Variants in ARFGEF1 observed in about 807,000 individuals in gnomAD.
ARFGEF1 encodes the protein brefeldin A-inhibited guanine nucleotide-exchange protein 1.
In ARFGEF1, 42 loss-of-function variants were observed where a neutral mutation model predicts 231.0. That is an observed-to-expected ratio of 0.18 (90% CI 0.14 to 0.24). The LOEUF is 0.24. Ranked by LOEUF, ARFGEF1 falls within the 10% of genes least tolerant of loss-of-function variation. The pLI is 1.00. For synonymous variants in ARFGEF1, 710 were observed against 732.3 expected, an observed-to-expected ratio of 0.97 and a Z score of 0.49; for missense variants, 1,345 against 2,192.0, an observed-to-expected ratio of 0.61 and a Z score of 7.72.
intron 1 of ARFGEF1, among the ~76,000 whole-genome samples, chr8:67,305,034 G>A (rs1236610215): frequency 6.6e-6 from 1 of 152,134 alleles, no homozygotes; most frequent in Admixed American, 6.5e-5. Flanking sequence ...ATTCCCATTT[G>A]TAAAATAATT....
rs900704241 is a variant in ARFGEF1 at position 67,216,448 on chromosome 8, G to A, written c.4686+142C>T. ...GCCTTCGTAATTGTAAAAAAAAAAT[G>A]TCTATTTATAAGTAATCCAGTCTCA... On this transcript the variant is annotated intron_variant, in intron 33 of 38. Transcript: ENST00000262215. 4 of 726,880 alleles carry A rather than the reference G, an allele frequency of 5.5e-6. No individual in the cohort carries two copies. The African/African-American group carries it at 7.6e-5, about 14-fold the overall frequency. The allele number at this position is 726,880 out of a possible 1,614,324, so 45.0% of individuals were successfully genotyped here. A position where few individuals can be genotyped will look rare whatever the true frequency, so the allele number is the denominator to read the frequency against.
chr8:67,186,446 A>G lies in ARFGEF1; in HGVS notation c.561-10874T>C, dbSNP rs537507148. Among the ~76,000 whole-genome samples the G allele has an allele frequency of 2.4e-4, 37 of 151,674 alleles. No individual in the cohort carries two copies. The South Asian group carries it at 7.5e-3, about 31-fold the overall frequency. The stretch of plus-strand genomic sequence containing the variant: ...AAAAAAAAAAAAAAAGTCCAAGAAT[A>G]CCATGAACAACTCTATGCCCACAAA... On this transcript the variant is annotated intron_variant, in intron 5 of 5. Coordinates refer to the ARFGEF1 transcript ENST00000518789.
In ARFGEF1 at chr8:67,226,174, A is replaced by C. The variant is rs1489949999; in HGVS notation, c.3926T>G (p.Phe1309Cys). Residue 1309 changes from phenylalanine to cysteine, a missense_variant, in exon 28 of 39, where the codon TTT becomes TGT. Physicochemically the swap from Phe to Cys is radical, Grantham distance 205 (BLOSUM62 -2). Transcript: ENST00000262215. ...AATGGTCGCTGGAAAGTGTTTTTCA[A>C]ATACAAGGGCTAAAATAGAGAAAAA... ...QTTGHIVTLV[F>C]EKHFPATIDS... 6.2e-7 allele frequency: 1 copy of C among 1,603,620 alleles called. No individual in the cohort carries two copies. The highest frequency in any genetic ancestry group is 1.7e-5 in the Admixed American group (1 of 58,266).
chr8:67,281,843 A>G (rs541783805), intron 7 of ARFGEF1, among the ~76,000 whole-genome samples: 6 of 152,224 alleles, frequency 3.9e-5, no homozygotes, highest in African/African-American at 1.4e-4. Context: ...TAAACCAAAA[A>G]TATAGAAATA....
chr8:67,226,478 C>G (rs1285073593), intron 27 of ARFGEF1, among the ~76,000 whole-genome samples: 1 of 152,036 alleles, frequency 6.6e-6, no homozygotes, highest in South Asian at 2.1e-4. Context: ...ATTACTTAAC[C>G]TCTCTGTATC....
At chr8:67,210,167 A>G (rs556105661) in intron 34 of ARFGEF1, among the ~76,000 whole-genome samples, 2 of 150,512 alleles carry the variant, frequency 1.3e-5, no homozygotes, top group East Asian at 2.0e-4. Flanking sequence ...AAAAAAAAAA[A>G]AAAAAAAGAA....
intron 5 of ARFGEF1, among the ~76,000 whole-genome samples, chr8:67,181,533 G>A (rs1467345440): frequency 6.6e-6 from 1 of 151,972 alleles, no homozygotes; most frequent in Non-Finnish European, 1.5e-5. Context: ...TGACACTAGA[G>A]CAAAGATACA....
chr8:67,273,419 CAAAAAAAAAA>C (rs58580002), intron 9 of ARFGEF1, among the ~76,000 whole-genome samples: 1 of 56,614 alleles, frequency 1.8e-5, no homozygotes, highest in Admixed American at 2.3e-4. Context: ...TTTTTTTTCC[CAAAAAAAAAA>C]AAAAAAAAAA....
chr8:67,318,635 A>G (rs952845965), intron 1 of ARFGEF1, among the ~76,000 whole-genome samples: 13 of 152,206 alleles, frequency 8.5e-5, no homozygotes, highest in Non-Finnish European at 4.4e-5. Context: ...AATCAATCAC[A>G]TTTCTATATA....
At chr8:67,335,327 G>T (rs143378801) in intron 1 of ARFGEF1, among the ~76,000 whole-genome samples, 2 of 151,734 alleles carry the variant, frequency 1.3e-5, no homozygotes, top group Non-Finnish European at 2.9e-5. Context: ...GGATGGTCTC[G>T]ATCTCCTCAC....
intron 1 of ARFGEF1, among the ~76,000 whole-genome samples, chr8:67,311,850 G>C (rs1228815394): frequency 6.6e-6 from 1 of 152,232 alleles, no homozygotes; most frequent in Admixed American, 6.5e-5. Context: ...TGTCTGTGTA[G>C]AAAGTAGTAG....
At chr8:67,196,042 ATGTCCTAT>A (rs1445202993), downstream of ARFGEF1, 1 of 152,112 alleles carries the variant, frequency 6.6e-6, no homozygotes, top group Non-Finnish European at 1.4e-5. Context: ...ATGCAATCAA[ATGTCCTAT>A]TAATTAATTA....
chr8:67,331,054 GTAA>G (rs1808076341), intron 1 of ARFGEF1, among the ~76,000 whole-genome samples: 1 of 151,874 alleles, frequency 6.6e-6, no homozygotes, highest in African/African-American at 2.4e-5. Context: ...GGAAAAAGAA[GTAA>G]TATTATTAAA....
chr8:67,337,826 T>C (rs1808417849), intron 1 of ARFGEF1, among the ~76,000 whole-genome samples: 1 of 152,198 alleles, frequency 6.6e-6, no homozygotes, highest in African/African-American at 2.4e-5. Flanking sequence ...GTTGTTACTA[T>C]CACCCTCACC....
rs939971648 is a variant in ARFGEF1 at position 67,197,734 on chromosome 8, A to G, written c.*1200T>C. On this transcript the variant is annotated 3_prime_UTR_variant, in exon 39 of 39. Coordinates refer to ENST00000262215, the MANE Select transcript of ARFGEF1 (RefSeq NM_006421.5). ...ATTAGAATATGCCAGATGGGAATCA[A>G]TATTGTACAGAAAGTTGTACAGAAT... The G allele has an allele frequency of 5.1e-6, 5 of 985,714 alleles. No homozygotes were observed. The African/African-American group carries it at 7.0e-5, about 14-fold the overall frequency. The allele number at this position is 985,714 out of a possible 1,614,324, so 61.1% of individuals were successfully genotyped here. A position where few individuals can be genotyped will look rare whatever the true frequency, so the allele number is the denominator to read the frequency against.
intron 5 of ARFGEF1, among the ~76,000 whole-genome samples, chr8:67,180,417 G>A (rs781186727): frequency 6.6e-6 from 1 of 152,200 alleles, no homozygotes; most frequent in Admixed American, 6.5e-5. Flanking sequence ...CAGATTAGTG[G>A]TTGCCAGGGG....
chr8:67,199,332 T>C, intron 38 of ARFGEF1: 1 of 405,146 alleles, frequency 2.5e-6, no homozygotes, highest in Non-Finnish European at 4.3e-6. Context: ...TGTATATCTT[T>C]GACAAACTTT....
In ARFGEF1 at chr8:67,221,311, T is replaced by A. The variant is rs1265997292; in HGVS notation, c.4209-1751A>T. On this transcript the variant is annotated intron_variant, in intron 29 of 38. Coordinates refer to ENST00000262215, the MANE Select transcript of ARFGEF1 (RefSeq NM_006421.5). ...GTAGGTATTCAGGAAGAAGTCATTG[T>A]TATCATAGGAGATGACAGCTCCATA... is the stretch of plus-strand genomic sequence containing the variant. Among the ~76,000 whole-genome samples the A allele has an allele frequency of 2.0e-5, 3 of 152,316 alleles. No individual in the cohort carries two copies. The East Asian group carries it at 5.8e-4, about 29-fold the overall frequency.
intron 23 of ARFGEF1, among the ~76,000 whole-genome samples, chr8:67,229,843 A>T (rs190158549): frequency 6.6e-6 from 1 of 152,162 alleles, no homozygotes; most frequent in East Asian, 1.9e-4. Context: ...AAAAACAAAG[A>T]AAAAAAGAGT....
Sources: gnomAD v4.1 joint callset for allele counts (sites outside exome capture counted in the v4.1 genomes callset) on GRCh38, gnomAD v4.1.1 for gene constraint, MANE v1.5 for transcripts, NCBI Gene and HGNC (gene_info 2026-07-23, HGNC 2026-07-21) for gene names.